HS6ST3: variants seen among roughly 807,000 people sequenced by gnomAD.
The protein encoded by HS6ST3 is heparan sulfate 6-O-sulfotransferase 3, also known as heparan-sulfate 6-O-sulfotransferase 3.
A neutral mutation model predicts 36.7 loss-of-function variants in HS6ST3; 12 were observed. The ratio of observed to expected loss-of-function variants is 0.33; its 90% CI spans 0.21 to 0.53. The LOEUF (loss-of-function observed/expected upper bound fraction) is 0.53, where lower values mean the gene tolerates loss of function less well. Ranked by LOEUF, HS6ST3 falls within the 20% of genes least tolerant of loss-of-function variation. The pLI, the probability that HS6ST3 is intolerant of heterozygous loss-of-function variation, is 0.95. For missense variants in HS6ST3, 584 were observed against 640.9 expected (o/e 0.91, Z 0.96); for synonymous variants, 240 against 257.5 (o/e 0.93, Z 0.65).
intron 1 of HS6ST3, among the ~76,000 whole-genome samples, chr13:96,667,849 G>A (rs1566425274): frequency 6.6e-6 from 1 of 152,174 alleles, no homozygotes; most frequent in Admixed American, 6.5e-5. Context: ...GGAAAGGGGA[G>A]TGGAAAAAGC....
At chr13:96,416,868 T>C (rs2055536115) in intron 1 of HS6ST3, among the ~76,000 whole-genome samples, 1 of 151,570 alleles carries the variant, frequency 6.6e-6, no homozygotes, top group Non-Finnish European at 1.5e-5. Flanking sequence ...TTCTCTTGCC[T>C]CAGGCTCCCA....
At chr13:96,269,489 G>T (rs945390110) in intron 1 of HS6ST3, among the ~76,000 whole-genome samples, 5 of 151,962 alleles carry the variant, frequency 3.3e-5, no homozygotes, top group African/African-American at 1.2e-4. Flanking sequence ...GAGACAAGGT[G>T]GGGGGAAGTC....
chr13:96,242,331 C>A (rs1239908538), intron 1 of HS6ST3, among the ~76,000 whole-genome samples: 1 of 151,552 alleles, frequency 6.6e-6, no homozygotes, highest in Non-Finnish European at 1.5e-5. Context: ...TCCAGGTGAT[C>A]CTCCTGCCTC....
At chr13:96,290,727 G>T (rs2054825573) in intron 1 of HS6ST3, among the ~76,000 whole-genome samples, 1 of 152,122 alleles carries the variant, frequency 6.6e-6, no homozygotes, top group African/African-American at 2.4e-5. Flanking sequence ...TCATTCCTTG[G>T]CTCAGAACCC....
chr13:96,760,676 T>C (rs528155331), intron 1 of HS6ST3, among the ~76,000 whole-genome samples: 2 of 152,206 alleles, frequency 1.3e-5, no homozygotes, highest in Non-Finnish European at 2.9e-5. Flanking sequence ...CATTAAATCA[T>C]GTATCACATA....
At chr13:96,118,643 AAGATATATATATAT>A (rs1362022848) in intron 1 of HS6ST3, among the ~76,000 whole-genome samples, 1 of 67,984 alleles carries the variant, frequency 1.5e-5, no homozygotes, top group Non-Finnish European at 2.8e-5. Context: ...AAGAACATTA[AAGATATATATATAT>A]ATATATATAT....
intron 1 of HS6ST3, among the ~76,000 whole-genome samples, chr13:96,106,504 T>C (rs1000283676): frequency 1.3e-5 from 2 of 152,204 alleles, no homozygotes; most frequent in African/African-American, 4.8e-5. Context: ...CAGTCAGCTC[T>C]TTACAGACAG....
chr13:96,110,881 A>G lies in HS6ST3; in HGVS notation c.707+19312A>G, dbSNP rs1189899314. 2.6e-5 allele frequency among the ~76,000 whole-genome samples: 4 copies of G among 152,268 alleles called. 1 individual carries two copies. Among genetic ancestry groups the G allele is most frequent in the South Asian group, 4.1e-4 (2 of 4,820 alleles). On this transcript the variant is annotated intron_variant, in intron 1 of 1. Coordinates refer to ENST00000376705, the MANE Select transcript of HS6ST3 (RefSeq NM_153456.4). The stretch of plus-strand genomic sequence containing the variant: ...TGTGGTGAAGACTTCAGAAGCAGTA[A>G]TTCAGGCACTGTGCACAACTTACTT...
chr13:96,819,458 A>G (rs1479242050), intron 1 of HS6ST3, among the ~76,000 whole-genome samples: 2 of 152,206 alleles, frequency 1.3e-5, no homozygotes, highest in African/African-American at 4.8e-5. Context: ...TTTCAAAGAA[A>G]AAAATGAGCT....
chr13:96,456,011 A>G (rs150481879), intron 1 of HS6ST3, among the ~76,000 whole-genome samples: 5 of 152,326 alleles, frequency 3.3e-5, no homozygotes, highest in African/African-American at 1.2e-4. Context: ...TGATGAAGCT[A>G]TGCTATCCTT....
Position 96,591,702 on chromosome 13 carries a change from C to G in HS6ST3, c.708-240788C>G, listed in dbSNP as rs1349965791. 1.3e-5 allele frequency among the ~76,000 whole-genome samples: 2 copies of G among 151,898 alleles called. 1 individual carries two copies. Among genetic ancestry groups the G allele is most frequent in the Admixed American group, 1.3e-4 (2 of 15,222 alleles). On this transcript the variant is annotated intron_variant, in intron 1 of 1. Transcript: ENST00000376705. The stretch of plus-strand genomic sequence containing the variant: ...ATGCCCTTTATATCTTTCTCTTGTC[C>G]GATTGCTCTAGCTAGGACTTCCAAT...
At chr13:96,135,504 C>G (rs960511870) in intron 1 of HS6ST3, among the ~76,000 whole-genome samples, 23 of 152,048 alleles carry the variant, frequency 1.5e-4, no homozygotes, top group Non-Finnish European at 3.2e-4. Context: ...AATTTGTTTG[C>G]TATTGGCGGT....
intron 1 of HS6ST3, among the ~76,000 whole-genome samples, chr13:96,283,676 G>A (rs527856330): frequency 1.3e-5 from 2 of 152,288 alleles, no homozygotes; most frequent in Admixed American, 1.3e-4. Context: ...ATGTGTATGT[G>A]TATAATTATC....
chr13:96,166,657 CCA>C (rs2139331914), intron 1 of HS6ST3, among the ~76,000 whole-genome samples: 1 of 149,960 alleles, frequency 6.7e-6, no homozygotes, highest in East Asian at 2.0e-4. Context: ...AGTGATCAGC[CCA>C]CCTTGGCCTC....
intron 1 of HS6ST3, among the ~76,000 whole-genome samples, chr13:96,448,904 G>T (rs2055712763): frequency 6.6e-6 from 1 of 151,870 alleles, no homozygotes; most frequent in Admixed American, 6.6e-5. Flanking sequence ...TTTGGATGGG[G>T]CATAGTTTTT....
At chr13:96,637,174 G>A (rs1423990133) in intron 1 of HS6ST3, among the ~76,000 whole-genome samples, 1 of 152,068 alleles carries the variant, frequency 6.6e-6, no homozygotes, top group Non-Finnish European at 1.5e-5. Context: ...TTTGAACTTT[G>A]TTAGTTGGAG....
chr13:96,642,737 C>G (rs1014213716), intron 1 of HS6ST3, among the ~76,000 whole-genome samples: 4 of 151,760 alleles, frequency 2.6e-5, no homozygotes, highest in South Asian at 2.1e-4. Flanking sequence ...CTATTTTATT[C>G]TTTTTAAAAA....
At chr13:96,200,733 A>G (rs975960093) in intron 1 of HS6ST3, among the ~76,000 whole-genome samples, 15 of 152,336 alleles carry the variant, frequency 9.8e-5, no homozygotes, top group African/African-American at 3.6e-4. Context: ...ACCTAGAACA[A>G]TGCCCAGCTA....
intron 1 of HS6ST3, among the ~76,000 whole-genome samples, chr13:96,811,961 C>T (rs1038461658): frequency 1.3e-5 from 2 of 152,020 alleles, no homozygotes; most frequent in East Asian, 1.9e-4. Context: ...GGGGTGGTAA[C>T]GTTAGAATCA....
Sources: allele counts gnomAD v4.1 joint callset (sites outside exome capture counted in the v4.1 genomes callset), GRCh38; gene constraint gnomAD v4.1.1; transcripts MANE v1.5; gene names NCBI Gene and HGNC (gene_info 2026-07-23, HGNC 2026-07-21).